The following ARHGAP18 variants were observed in gnomAD, a reference collection of about 807,000 sequenced individuals.
The protein encoded by ARHGAP18 is Rho GTPase activating protein 18.
Under a neutral mutation model 86.2 loss-of-function variants are expected in ARHGAP18, and 67 were observed. The ratio of observed to expected loss-of-function variants is 0.78; its 90% CI spans 0.64 to 0.95. The LOEUF is 0.95. Ranked by LOEUF, ARHGAP18 falls within the 40% of genes least tolerant of loss-of-function variation. The pLI, the probability that ARHGAP18 is intolerant of heterozygous loss-of-function variation, is 0.00. For synonymous variants in ARHGAP18, 283 were observed against 280.4 expected (o/e 1.01, Z -0.09); for missense variants, 691 against 780.4 (o/e 0.89, Z 1.37).
At chr6:129,621,881 G>A (rs555676901) in intron 5 of ARHGAP18, among the ~76,000 whole-genome samples, 121 of 152,178 alleles carry the variant, frequency 8.0e-4, no homozygotes, top group African/African-American at 2.9e-3. Context: ...CTTAAACATG[G>A]CCACAAAGCC....
At chr6:129,593,216 G>A (rs1788552937) in intron 12 of ARHGAP18, among the ~76,000 whole-genome samples, 2 of 152,094 alleles carry the variant, frequency 1.3e-5, no homozygotes, top group Admixed American at 1.3e-4. Context: ...AATCTCAGGT[G>A]TGAAAGGCTG....
chr6:129,667,467 A>ATGTG (rs1219093894), intron 1 of ARHGAP18, among the ~76,000 whole-genome samples: 24 of 95,790 alleles, frequency 2.5e-4, no homozygotes, highest in Non-Finnish European at 4.0e-4. Flanking sequence ...AGAAAAATAT[A>ATGTG]TATGTGTGTG....
intron 1 of ARHGAP18, among the ~76,000 whole-genome samples, chr6:129,693,094 A>G (rs574072056): frequency 1.3e-5 from 2 of 152,210 alleles, no homozygotes; most frequent in Non-Finnish European, 2.9e-5. Context: ...TTACTACATG[A>G]AAAAGAGCTG....
chr6:129,618,142 T>C (rs1043444014), intron 6 of ARHGAP18, among the ~76,000 whole-genome samples: 2 of 151,726 alleles, frequency 1.3e-5, no homozygotes, highest in Non-Finnish European at 1.5e-5. Flanking sequence ...CATATTTCCA[T>C]GATGAGTACA....
Position 129,578,070 on chromosome 6 carries a change from G to A in ARHGAP18, c.*443C>T, listed in dbSNP as rs1447854240. 6.6e-6 allele frequency: 1 copy of A among 152,056 alleles called. No homozygotes were observed. 9.4% of individuals were successfully genotyped at this position (152,056 alleles called of 1,614,324 possible). ...CTGTCTTCACAACTTGCCATACCTG[G>A]TATTTGTTATCTTTTTGGTCAAAAA... On this transcript the variant is annotated 3_prime_UTR_variant, in exon 15 of 15. Transcript: ENST00000368149.
intron 12 of ARHGAP18, among the ~76,000 whole-genome samples, chr6:129,592,667 C>T (rs1348490837): frequency 6.6e-6 from 1 of 151,992 alleles, no homozygotes; most frequent in African/African-American, 2.4e-5. Flanking sequence ...CACTCTGTAC[C>T]CTCACTCTCA....
chr6:129,669,000 G>GGACTA (rs1405670471), intron 1 of ARHGAP18, among the ~76,000 whole-genome samples: 1 of 152,130 alleles, frequency 6.6e-6, no homozygotes, highest in Non-Finnish European at 1.5e-5. Flanking sequence ...GCTGTTAAGA[G>GGACTA]GACTAGAAAT....
intron 12 of ARHGAP18, among the ~76,000 whole-genome samples, chr6:129,590,134 A>C (rs1477124410): frequency 6.6e-6 from 1 of 152,114 alleles, no homozygotes; most frequent in Non-Finnish European, 1.5e-5. Flanking sequence ...CCCAAATATT[A>C]ATCTTCTTTG....
At chr6:129,645,726 C>T (rs867495648) in intron 1 of ARHGAP18, among the ~76,000 whole-genome samples, 30 of 152,302 alleles carry the variant, frequency 2.0e-4, no homozygotes, top group Middle Eastern at 3.4e-3. Flanking sequence ...GTACAAGTCA[C>T]GCTCTTTCCA....
chr6:129,625,872 T>TTATATATTTATATATTATATATTA (rs1789439664), intron 5 of ARHGAP18, among the ~76,000 whole-genome samples: 1 of 71,154 alleles, frequency 1.4e-5, no homozygotes, highest in East Asian at 3.1e-4. Context: ...ATATTATATA[T>TTATATATTTATATATTATATATTA]TATATATTTA....
At chr6:129,686,976 T>A (rs927449080) in intron 1 of ARHGAP18, among the ~76,000 whole-genome samples, 2 of 51,642 alleles carry the variant, frequency 3.9e-5, no homozygotes, top group South Asian at 1.8e-3. Flanking sequence ...TCTTTTTTTT[T>A]TCTTTTTTTT....
At chr6:129,639,947 AG>A (rs1554337852) in intron 2 of ARHGAP18, among the ~76,000 whole-genome samples, 1 of 148,468 alleles carries the variant, frequency 6.7e-6, no homozygotes, top group Non-Finnish European at 1.5e-5. Flanking sequence ...AGGGAGGCTG[AG>A]GCAAGAGAAT....
intron 5 of ARHGAP18, among the ~76,000 whole-genome samples, chr6:129,626,049 C>CAT (rs1288951926): frequency 1.6e-4 from 15 of 92,336 alleles, no homozygotes; most frequent in South Asian, 6.5e-4. Context: ...TACACACACA[C>CAT]ATATATATAC....
chr6:129,638,391 T>A lies in ARHGAP18; in HGVS notation c.552+3A>T. On this transcript the variant is annotated splice_donor_region_variant and intron_variant, in intron 3 of 14. Transcript: ENST00000368149. Reference sequence around the variant, plus strand: ...TGCCTTAACATCAAAAAAGAAAACCTACTGTTTCTTTTGATTCTCTCTGTT... The same window carrying A: ...TGCCTTAACATCAAAAAAGAAAACCAACTGTTTCTTTTGATTCTCTCTGTT... 6.2e-7 allele frequency: 1 copy of A among 1,612,582 alleles called. No individual in the cohort carries two copies. Among genetic ancestry groups the A allele is most frequent in the Non-Finnish European group, 8.5e-7 (1 of 1,179,200 alleles).
intron 7 of ARHGAP18, among the ~76,000 whole-genome samples, chr6:129,614,766 T>A (rs1031833453): frequency 6.6e-6 from 1 of 151,850 alleles, no homozygotes; most frequent in Non-Finnish European, 1.5e-5. Flanking sequence ...TTTTTTTTTT[T>A]TTTGGTTGTC....
Position 129,616,319 on chromosome 6 carries a change from T to G in ARHGAP18, c.953-16A>C. ...AGACCAGAATCTGCAAGAAAAAAAATGAAATTTCCTCACTTTTGTCAATCT... is the reference window on the plus strand; with the variant it reads ...AGACCAGAATCTGCAAGAAAAAAAAGGAAATTTCCTCACTTTTGTCAATCT... On this transcript the variant is annotated splice_polypyrimidine_tract_variant and intron_variant, in intron 6 of 14. Coordinates refer to ENST00000368149, the MANE Select transcript of ARHGAP18 (RefSeq NM_033515.3). 6.3e-7 allele frequency: 1 copy of G among 1,587,014 alleles called. No homozygotes were observed. Among genetic ancestry groups the G allele is most frequent in the Non-Finnish European group, 8.6e-7 (1 of 1,161,168 alleles).
intron 12 of ARHGAP18, among the ~76,000 whole-genome samples, chr6:129,587,098 T>C (rs967133654): frequency 2.0e-5 from 3 of 152,246 alleles, no homozygotes; most frequent in African/African-American, 7.2e-5. Flanking sequence ...ACTTATTTTT[T>C]GTTCATTTTT....
chr6:129,695,362 C>T (rs2114550482), intron 1 of ARHGAP18, among the ~76,000 whole-genome samples: 1 of 149,412 alleles, frequency 6.7e-6, no homozygotes, highest in South Asian at 2.1e-4. Context: ...CACCTGTTAA[C>T]AGTGTCCAAC....
chr6:129,647,751 G>C (rs1562709556), intron 1 of ARHGAP18, among the ~76,000 whole-genome samples: 1 of 151,596 alleles, frequency 6.6e-6, no homozygotes, highest in East Asian at 1.9e-4. Flanking sequence ...GAATATTTTA[G>C]AAGAAGCCAT....
Sources: allele counts gnomAD v4.1 joint callset (sites outside exome capture counted in the v4.1 genomes callset), GRCh38; gene constraint gnomAD v4.1.1; transcripts MANE v1.5; gene names NCBI Gene and HGNC (gene_info 2026-07-23, HGNC 2026-07-21).